The following SPON1 variants were observed in gnomAD, a reference collection of about 807,000 sequenced individuals.
The protein encoded by SPON1 is spondin-1.
Under a neutral mutation model 111.7 loss-of-function variants are expected in SPON1, and 52 were observed. The observed-to-expected ratio is 0.47, with a 90% confidence interval of 0.37 to 0.59. The LOEUF (loss-of-function observed/expected upper bound fraction) is 0.59. Ranked by LOEUF, SPON1 falls within the 20% of genes least tolerant of loss-of-function variation. The pLI is 0.00. For synonymous variants in SPON1, 410 were observed against 395.8 expected (o/e 1.04, Z -0.43); for missense variants, 957 against 1,068.5 (o/e 0.90, Z 1.46).
chr11:14,128,846 A>G (rs905670047), intron 5 of SPON1, among the ~76,000 whole-genome samples: 7 of 152,258 alleles, frequency 4.6e-5, no homozygotes, highest in Admixed American at 4.6e-4. Flanking sequence ...GTGTACCCAC[A>G]GACCCCCAAC....
In SPON1 at chr11:14,228,787, G is replaced by A. The variant is rs955042956; in HGVS notation, c.826-14545G>A. On this transcript the variant is annotated intron_variant, in intron 6 of 15. Coordinates refer to ENST00000576479, the MANE Select transcript of SPON1 (RefSeq NM_006108.4). The surrounding 1 kb of genome is among the most constrained non-coding windows in gnomAD (Gnocchi z 4.2). Reference sequence around the variant, plus strand: ...CACTAACGCACAATAAAGTTGTATAGGGCAACCGTGAGATGTGAAAACAAA... The same window carrying A: ...CACTAACGCACAATAAAGTTGTATAAGGCAACCGTGAGATGTGAAAACAAA... Among the ~76,000 whole-genome samples, 1 of 152,188 alleles carries A rather than the reference G, an allele frequency of 6.6e-6. No homozygotes were observed.
rs145208773 is a variant in SPON1 at position 14,019,835 on chromosome 11, C to G, written c.346-21686C>G. Among the ~76,000 whole-genome samples the G allele has an allele frequency of 3.8e-3, 577 of 152,284 alleles. 3 individuals carry two copies. The highest frequency in any genetic ancestry group is 0.013 in the African/African-American group (527 of 41,574). The stretch of plus-strand genomic sequence containing the variant: ...GCTCAAAGCATGTCACCCTCACCAA[C>G]AGTGTTCTAAATAGGAGAGAAGGAG... On this transcript the variant is annotated intron_variant, in intron 2 of 15. Transcript: ENST00000576479.
chr11:14,008,115 T>C (rs977850222), intron 2 of SPON1, among the ~76,000 whole-genome samples: 1 of 152,012 alleles, frequency 6.6e-6, no homozygotes, highest in Non-Finnish European at 1.5e-5. Flanking sequence ...GCCAAAAATA[T>C]TGGAAAAATA....
intron 3 of SPON1, among the ~76,000 whole-genome samples, chr11:14,051,116 G>A (rs2403708): frequency 0.23 from 35,393 of 152,078 alleles, 5,006 homozygotes; most frequent in South Asian, 0.33. Flanking sequence ...AATATTTTGT[G>A]TCCACCCCAA....
chr11:14,171,514 T>C lies in SPON1; in HGVS notation c.825+35946T>C, dbSNP rs1259560555. ...CCTTCAGTTCTGCTCTGATTTTAGTTATTTCTTGCCTTCTGCTAGCTTTTG... is the reference window on the plus strand; with the variant it reads ...CCTTCAGTTCTGCTCTGATTTTAGTCATTTCTTGCCTTCTGCTAGCTTTTG... On this transcript the variant is annotated intron_variant, in intron 6 of 15. Transcript: ENST00000576479. 2.0e-5 allele frequency among the ~76,000 whole-genome samples: 3 copies of C among 152,340 alleles called. No individual in the cohort carries two copies. In the East Asian group the frequency reaches 5.8e-4, roughly 29 times the overall value.
intron 3 of SPON1, among the ~76,000 whole-genome samples, chr11:14,048,611 T>C (rs115289232): frequency 0.01 from 1,582 of 152,298 alleles, 33 homozygotes; most frequent in African/African-American, 0.036. Flanking sequence ...GCCCTCCTTA[T>C]AGACTTCTCC....
intron 15 of SPON1, among the ~76,000 whole-genome samples, chr11:14,263,203 A>C (rs570168942): frequency 6.6e-6 from 1 of 152,340 alleles, no homozygotes; most frequent in South Asian, 2.1e-4. Flanking sequence ...TTTATCAAAG[A>C]ACATTTAGAT....
intron 6 of SPON1, among the ~76,000 whole-genome samples, chr11:14,201,154 T>C (rs1446178798): frequency 3.3e-5 from 5 of 151,774 alleles, no homozygotes; most frequent in African/African-American, 1.2e-4. Flanking sequence ...TCCTGGCTAA[T>C]ATGGTGAAAC....
chr11:14,025,390 A>C (rs1848510171), intron 2 of SPON1, among the ~76,000 whole-genome samples: 1 of 152,238 alleles, frequency 6.6e-6, no homozygotes, highest in African/African-American at 2.4e-5. Context: ...GCACAATGCT[A>C]GGTGCTGGTG....
intron 2 of SPON1, among the ~76,000 whole-genome samples, chr11:13,986,163 G>C (rs1430206097): frequency 6.6e-6 from 1 of 152,164 alleles, no homozygotes; most frequent in African/African-American, 2.4e-5. Flanking sequence ...AGTCCTCCTT[G>C]TCATCATCCC....
chr11:14,217,672 T>C (rs1848640216), intron 6 of SPON1, among the ~76,000 whole-genome samples: 1 of 152,168 alleles, frequency 6.6e-6, no homozygotes, highest in South Asian at 2.1e-4. Flanking sequence ...AGACTTGTGT[T>C]TAAATATAAT....
At chr11:14,125,392 CA>C (rs1395472286) in intron 5 of SPON1, among the ~76,000 whole-genome samples, 4 of 152,092 alleles carry the variant, frequency 2.6e-5, no homozygotes, top group Non-Finnish European at 5.9e-5. Context: ...GTTAAGTGAC[CA>C]GTTCATCTAC....
chr11:14,125,168 G>A (rs1486039457), intron 5 of SPON1, among the ~76,000 whole-genome samples: 1 of 152,260 alleles, frequency 6.6e-6, no homozygotes, highest in Non-Finnish European at 1.5e-5. Context: ...CAAACCCGCA[G>A]AAGGCATGTT....
chr11:14,054,738 G>A lies in SPON1; in HGVS notation c.479+13084G>A, dbSNP rs371026377. ...CCACAATCCCAGATGAAAGCCACAG[G>A]CTGAGTCTTGTCTTGTGGCTCTGGA... is the stretch of plus-strand genomic sequence containing the variant. On this transcript the variant is annotated intron_variant, in intron 3 of 15. Coordinates refer to ENST00000576479, the MANE Select transcript of SPON1 (RefSeq NM_006108.4). 4.5e-4 allele frequency among the ~76,000 whole-genome samples: 68 copies of A among 152,270 alleles called. 2 individuals carry two copies. In the East Asian group the frequency reaches 7.5e-3, roughly 17 times the overall value.
intron 5 of SPON1, among the ~76,000 whole-genome samples, chr11:14,104,336 T>G (rs1219140261): frequency 1.3e-5 from 2 of 150,114 alleles, no homozygotes; most frequent in East Asian, 1.9e-4. Flanking sequence ...AGTTAATTTG[T>G]TTTTTTTTCC....
intron 6 of SPON1, among the ~76,000 whole-genome samples, chr11:14,204,030 C>T (rs1395900197): frequency 6.6e-6 from 1 of 152,152 alleles, no homozygotes; most frequent in East Asian, 1.9e-4. Flanking sequence ...TACCAAGGGC[C>T]TATCTTCGGT....
intron 2 of SPON1, among the ~76,000 whole-genome samples, chr11:14,032,272 A>G (rs1471664608): frequency 1.3e-5 from 2 of 152,148 alleles, no homozygotes; most frequent in Non-Finnish European, 2.9e-5. Context: ...ATTAATAACT[A>G]TCTTGGGGTG....
chr11:14,203,026 G>C (rs1848480115), intron 6 of SPON1, among the ~76,000 whole-genome samples: 1 of 152,106 alleles, frequency 6.6e-6, no homozygotes, highest in South Asian at 2.1e-4. Context: ...TGAACTAAAG[G>C]CAGCCCTCAA....
intron 5 of SPON1, among the ~76,000 whole-genome samples, chr11:14,087,736 G>A (rs1182183499): frequency 6.6e-6 from 1 of 152,040 alleles, no homozygotes; most frequent in Non-Finnish European, 1.5e-5. Context: ...ATTGACAGTG[G>A]GGTGTTAAAA....
Sources: allele counts gnomAD v4.1 joint callset (sites outside exome capture counted in the v4.1 genomes callset), GRCh38; gene constraint gnomAD v4.1.1; non-coding constraint Gnocchi (gnomAD v3.1); transcripts MANE v1.5; gene names NCBI Gene and HGNC (gene_info 2026-07-23, HGNC 2026-07-21).